Variants in COG5 observed in about 807,000 individuals in gnomAD.
COG5 encodes conserved oligomeric Golgi complex subunit 5.
In COG5, 86 loss-of-function variants were observed where a neutral mutation model predicts 110.4. The ratio of observed to expected loss-of-function variants is 0.78; its 90% CI spans 0.65 to 0.93. The LOEUF is 0.93. COG5 is among the 40% of genes least tolerant of loss of function. The pLI, the probability that COG5 is intolerant of heterozygous loss-of-function variation, is 0.00. For missense variants in COG5, 1,077 were observed against 987.0 expected (o/e 1.09, Z -1.22); for synonymous variants, 360 against 334.6 (o/e 1.08, Z -0.83).
chr7:107,415,995 TATATATACACACACATACAC>T (rs1792806404), intron 6 of COG5, among the ~76,000 whole-genome samples: 3 of 139,258 alleles, frequency 2.2e-5, no homozygotes, highest in African/African-American at 7.8e-5. Flanking sequence ...TATATGTGTG[TATATATACACACACATACAC>T]GTATGTATAT....
chr7:107,457,454 G>A (rs1795736053), intron 6 of COG5, among the ~76,000 whole-genome samples: 1 of 151,636 alleles, frequency 6.6e-6, no homozygotes, highest in African/African-American at 2.4e-5. Context: ...TTGAGACAGA[G>A]TCTCACTCTG....
chr7:107,403,222 T>TA (rs1382831220), intron 7 of COG5, among the ~76,000 whole-genome samples: 2 of 152,146 alleles, frequency 1.3e-5, no homozygotes, highest in Non-Finnish European at 2.9e-5. Context: ...GAATAGCTAT[T>TA]ATATTAGTCT....
chr7:107,246,105 G>A (rs555689644), intron 17 of COG5, among the ~76,000 whole-genome samples: 1 of 152,328 alleles, frequency 6.6e-6, no homozygotes, highest in East Asian at 1.9e-4. Flanking sequence ...ACAAAAGCAA[G>A]CAGTGGGGAA....
chr7:107,261,780 G>A (rs992482255), intron 14 of COG5, among the ~76,000 whole-genome samples: 1 of 151,958 alleles, frequency 6.6e-6, no homozygotes, highest in Non-Finnish European at 1.5e-5. Flanking sequence ...TCAAATCTGA[G>A]TTCAAGTATG....
At chr7:107,344,723 C>T (rs1052899070) in intron 10 of COG5, among the ~76,000 whole-genome samples, 3 of 152,162 alleles carry the variant, frequency 2.0e-5, no homozygotes, top group Non-Finnish European at 2.9e-5. Flanking sequence ...GGGGTTTCTC[C>T]ACGTTGGTCA....
intron 10 of COG5, among the ~76,000 whole-genome samples, chr7:107,359,673 A>C (rs1011907283): frequency 2.0e-5 from 3 of 151,590 alleles, no homozygotes; most frequent in African/African-American, 4.9e-5. Flanking sequence ...GCCCATAAAA[A>C]CCCCTGACTC....
chr7:107,395,624 G>A (rs974487611), intron 7 of COG5, among the ~76,000 whole-genome samples: 6 of 138,618 alleles, frequency 4.3e-5, no homozygotes, highest in African/African-American at 1.1e-4. Flanking sequence ...GCAAGACCTC[G>A]GCTTACTGCA....
At chr7:107,305,613 G>A (rs1198349986) in intron 11 of COG5, among the ~76,000 whole-genome samples, 1 of 152,044 alleles carries the variant, frequency 6.6e-6, no homozygotes, top group Non-Finnish European at 1.5e-5. Context: ...TCACAAGGCT[G>A]TCATCAAGGT....
At chr7:107,545,148 C>T (rs1042158943) in intron 5 of COG5, among the ~76,000 whole-genome samples, 8 of 152,080 alleles carry the variant, frequency 5.3e-5, no homozygotes, top group Admixed American at 2.0e-4. Context: ...GGGATGCCAT[C>T]AAGCAAACCA....
At chr7:107,523,186 C>T (rs1422736990) in intron 6 of COG5, among the ~76,000 whole-genome samples, 1 of 152,058 alleles carries the variant, frequency 6.6e-6, no homozygotes, top group African/African-American at 2.4e-5. Flanking sequence ...TCTTTGTTCT[C>T]AACAATATTT....
Position 107,516,597 on chromosome 7 carries a change from C to T in COG5, c.538+10640G>A, listed in dbSNP as rs6957563. On this transcript the variant is annotated intron_variant, in intron 6 of 21. Transcript: ENST00000297135. ...ACCTCCCAACAGGAGTTGACAGACACCTCATACAGGAGAGCTCCAGCTGGC... is the reference window on the plus strand; with the variant it reads ...ACCTCCCAACAGGAGTTGACAGACATCTCATACAGGAGAGCTCCAGCTGGC... Among the ~76,000 whole-genome samples, 1,362 of 152,306 alleles carry T rather than the reference C, an allele frequency of 8.9e-3. 19 individuals carry two copies. The highest frequency in any genetic ancestry group is 0.029 in the African/African-American group (1,196 of 41,558).
intron 12 of COG5, among the ~76,000 whole-genome samples, chr7:107,292,275 T>TGCCTGCCTTGGTCTCCCAAACTGCTGACC (rs1806236842): frequency 6.6e-6 from 1 of 152,190 alleles, no homozygotes; most frequent in Admixed American, 6.5e-5. Flanking sequence ...TCAAGCCATC[T>TGCCTGCCTTGGTCTCCCAAACTGCTGACC]GCCTGCCTTG....
chr7:107,451,405 T>C (rs1444353653), intron 6 of COG5, among the ~76,000 whole-genome samples: 3 of 152,230 alleles, frequency 2.0e-5, no homozygotes, highest in Non-Finnish European at 4.4e-5. Flanking sequence ...TTTTGACTTC[T>C]TTTATAACAT....
At chr7:107,301,213 G>C (rs1451515775) in intron 11 of COG5, among the ~76,000 whole-genome samples, 14 of 152,156 alleles carry the variant, frequency 9.2e-5, no homozygotes, top group Non-Finnish European at 1.5e-5. Flanking sequence ...AGTTAGACAT[G>C]ATATGAAACC....
chr7:107,372,609 T>TG lies in COG5; in HGVS notation c.820dup (p.Gln274ProfsTer65). 1 of 1,613,594 alleles carries TG rather than the reference T, an allele frequency of 6.2e-7. No homozygotes were observed. The highest frequency in any genetic ancestry group is 8.5e-7 in the Non-Finnish European group (1 of 1,179,762). ...CACATCCATACCTCTCACAGCTGAC[T>TG]GGGAAGGCTGAGTCAAAACTTTTAT... On this transcript the variant is annotated frameshift_variant, in exon 8 of 22. Coordinates refer to ENST00000297135, the MANE Select transcript of COG5 (RefSeq NM_006348.5). LOFTEE classifies it high-confidence loss of function.
chr7:107,515,879 A>G (rs1261873544), intron 6 of COG5, among the ~76,000 whole-genome samples: 8 of 152,260 alleles, frequency 5.3e-5, no homozygotes, highest in Non-Finnish European at 7.3e-5. Context: ...AGAGTAAGAA[A>G]GAGAACAGAT....
chr7:107,313,442 G>A (rs1808454911), intron 11 of COG5, among the ~76,000 whole-genome samples: 1 of 152,164 alleles, frequency 6.6e-6, no homozygotes, highest in South Asian at 2.1e-4. Context: ...GTACCACCAT[G>A]TTGGAAAACT....
chr7:107,279,941 C>G (rs950408691), intron 14 of COG5, among the ~76,000 whole-genome samples: 1 of 152,060 alleles, frequency 6.6e-6, no homozygotes, highest in South Asian at 2.1e-4. Context: ...ACTATGTTAA[C>G]TGAAGTACAT....
chr7:107,377,894 C>T (rs948131515), intron 7 of COG5, among the ~76,000 whole-genome samples: 1 of 152,158 alleles, frequency 6.6e-6, no homozygotes, highest in African/African-American at 2.4e-5. Context: ...AATGTTCCTG[C>T]CTGCTGGCTC....
Sources: gnomAD v4.1 joint callset for allele counts (sites outside exome capture counted in the v4.1 genomes callset) on GRCh38, gnomAD v4.1.1 for gene constraint, MANE v1.5 for transcripts, NCBI Gene and HGNC (gene_info 2026-07-23, HGNC 2026-07-21) for gene names.